DPF3: variants seen among roughly 807,000 people sequenced by gnomAD.
DPF3 encodes the protein zinc finger protein DPF3.
Under a neutral mutation model 56.8 loss-of-function variants are expected in DPF3, and 18 were observed. The observed-to-expected ratio is 0.32, with a 90% CI of 0.22 to 0.47. The LOEUF is 0.47. Among genes scored for constraint, DPF3 ranks in the 20% least tolerant of loss-of-function variants. The pLI, the probability that DPF3 is intolerant of heterozygous loss-of-function variation, is 1.00. For synonymous variants in DPF3, 188 were observed against 180.2 expected (o/e 1.04, Z -0.35); for missense variants, 403 against 488.8 (o/e 0.82, Z 1.65).
At chr14:72,892,970 A>T (rs1599531960) in intron 1 of DPF3, among the ~76,000 whole-genome samples, 1 of 105,844 alleles carries the variant, frequency 9.4e-6, no homozygotes, top group East Asian at 3.6e-4. Context: ...GAAGGAAGGA[A>T]GGAAGGAAGG....
intron 1 of DPF3, among the ~76,000 whole-genome samples, chr14:72,786,316 G>A (rs1892207809): frequency 1.3e-5 from 2 of 151,908 alleles, no homozygotes; most frequent in Admixed American, 1.3e-4. Flanking sequence ...TGACGTCCTC[G>A]GGACATACCG....
intron 1 of DPF3, among the ~76,000 whole-genome samples, chr14:72,859,483 C>A (rs773986701): frequency 0.062 from 5,994 of 96,402 alleles, 269 homozygotes; most frequent in Non-Finnish European, 0.078. Flanking sequence ...CCCCCCCCCC[C>A]ACACCATTCC....
intron 1 of DPF3, among the ~76,000 whole-genome samples, chr14:72,831,753 C>T (rs1884069777): frequency 6.6e-6 from 1 of 152,192 alleles, no homozygotes; most frequent in Admixed American, 6.5e-5. Context: ...CTCACTTTTC[C>T]TGAAAATATA....
intron 8 of DPF3, among the ~76,000 whole-genome samples, chr14:72,638,111 C>T (rs543882791): frequency 2.0e-5 from 3 of 152,298 alleles, no homozygotes; most frequent in Admixed American, 2.0e-4. Flanking sequence ...TGCTGTGTGA[C>T]AGCTGCAGAT....
At position 72,836,916 on chromosome 14, in the gene DPF3, CTG is replaced by C. The variant is rs530113108; in HGVS notation, c.32+57139_32+57140del. On this transcript the variant is annotated intron_variant, in intron 1 of 10. Transcript: ENST00000556509. ...GCAGAGTTTCCTTCTGTGGCCCACACTGGAGTGCACTGGCGCAATCTCAGCTC... is the reference window on the plus strand; with the variant it reads ...GCAGAGTTTCCTTCTGTGGCCCACACGAGTGCACTGGCGCAATCTCAGCTC... 5.3e-5 allele frequency among the ~76,000 whole-genome samples: 8 copies of C among 152,252 alleles called. No individual in the cohort carries two copies. In the South Asian group the frequency reaches 1.7e-3, roughly 32 times the overall value.
chr14:72,855,886 G>A (rs11845938), intron 1 of DPF3, among the ~76,000 whole-genome samples: 2,685 of 152,294 alleles, frequency 0.018, 66 homozygotes, highest in African/African-American at 0.061. Context: ...GTGATCAGCA[G>A]AGCCCCACAT....
intron 1 of DPF3, among the ~76,000 whole-genome samples, chr14:72,831,423 A>C (rs187526471): frequency 6.6e-6 from 1 of 152,328 alleles, no homozygotes; most frequent in Admixed American, 6.5e-5. Context: ...CCAGCTAACA[A>C]TAAATTTCTG....
At chr14:72,832,949 C>T (rs1884122160) in intron 1 of DPF3, among the ~76,000 whole-genome samples, 1 of 152,168 alleles carries the variant, frequency 6.6e-6, no homozygotes, top group African/African-American at 2.4e-5. Flanking sequence ...CTGAGGAAAC[C>T]ATGAGCAGGG....
chr14:72,881,597 C>T (rs570878194), intron 1 of DPF3, among the ~76,000 whole-genome samples: 4 of 152,176 alleles, frequency 2.6e-5, no homozygotes, highest in South Asian at 2.1e-4. Flanking sequence ...AGAACAAATG[C>T]GGATGTCAAA....
chr14:72,700,211 T>C (rs1888097812), intron 6 of DPF3, among the ~76,000 whole-genome samples: 1 of 152,228 alleles, frequency 6.6e-6, no homozygotes, highest in Non-Finnish European at 1.5e-5. Flanking sequence ...CTTCTGTGTT[T>C]AATCATGTCT....
At chr14:72,802,768 C>T (rs1362468865) in intron 1 of DPF3, among the ~76,000 whole-genome samples, 1 of 152,182 alleles carries the variant, frequency 6.6e-6, no homozygotes, top group East Asian at 1.9e-4. Flanking sequence ...CTGTTCTTTT[C>T]CCTTAGCTCA....
At chr14:72,629,976 C>G (rs1885077171) in intron 8 of DPF3, among the ~76,000 whole-genome samples, 1 of 152,090 alleles carries the variant, frequency 6.6e-6, no homozygotes, top group Non-Finnish European at 1.5e-5. Flanking sequence ...ACCATATTCC[C>G]CAGCAGGTGT....
rs1884050855 is a variant in DPF3 at position 72,615,706 on chromosome 14, G to A, written c.*3591C>T. Among the ~76,000 whole-genome samples the A allele has an allele frequency of 6.6e-6, 1 of 151,980 alleles. No homozygotes were observed. The highest frequency in any genetic ancestry group is 6.5e-5 in the Admixed American group (1 of 15,284). On this transcript the variant is annotated 3_prime_UTR_variant, in exon 11 of 11. Coordinates refer to ENST00000556509, the MANE Select transcript of DPF3 (RefSeq NM_001280542.3). ...CGCCCTGGGGCAGGGACAGGAGCAG[G>A]GGAGCCTTGGGACCTGCTGGCTCCT...
intron 7 of DPF3, among the ~76,000 whole-genome samples, chr14:72,682,211 T>C (rs1887193639): frequency 1.4e-5 from 2 of 139,958 alleles, no homozygotes; most frequent in Admixed American, 7.2e-5. Flanking sequence ...TAAGACTCTG[T>C]CTCAAGAAAA....
chr14:72,661,224 C>T (rs1273466990), intron 8 of DPF3: 3 of 985,028 alleles, frequency 3.0e-6, no homozygotes, highest in Non-Finnish European at 3.6e-6. Flanking sequence ...TACCAGAAAA[C>T]GTCAGAGAAA....
chr14:72,690,031 A>G (rs996909508), intron 7 of DPF3, among the ~76,000 whole-genome samples: 8 of 152,140 alleles, frequency 5.3e-5, no homozygotes, highest in African/African-American at 1.7e-4. Flanking sequence ...GGCCAGGCAA[A>G]TGATCCTTTT....
intron 1 of DPF3, chr14:72,836,436 A>G: frequency 2.0e-6 from 2 of 985,592 alleles, no homozygotes; most frequent in Non-Finnish European, 2.4e-6. Flanking sequence ...ACCCTCCTCC[A>G]TGCCTCCCTG....
chr14:72,878,708 T>C (rs192051333), intron 1 of DPF3, among the ~76,000 whole-genome samples: 7 of 152,356 alleles, frequency 4.6e-5, no homozygotes, highest in Admixed American at 1.3e-4. Context: ...AGAGGTTACT[T>C]ACTCCCCTGA....
Position 72,619,348 on chromosome 14 carries a change from T to C in DPF3, c.1086A>G (p.Leu362=). ...EPPEGSWSCH[L]CWELLKEKAS... ...CTTTCTCTTTGAGCAGTTCCCAGCA[T>C]AAGTGGCAGCTCCAGCTTCCTGCAA... Residue 362 remains leucine (L), a synonymous_variant, in exon 11 of 11, where the codon TTA becomes TTG. Coordinates refer to ENST00000556509, the MANE Select transcript of DPF3 (RefSeq NM_001280542.3). 6.5e-7 allele frequency: 1 copy of C among 1,536,144 alleles called. No individual in the cohort carries two copies. The highest frequency in any genetic ancestry group is 8.7e-7 in the Non-Finnish European group (1 of 1,146,914).
Sources: allele counts gnomAD v4.1 joint callset (sites outside exome capture counted in the v4.1 genomes callset), GRCh38; gene constraint gnomAD v4.1.1; transcripts MANE v1.5; gene names NCBI Gene and HGNC (gene_info 2026-07-23, HGNC 2026-07-21).